LRRC8A: variants seen among roughly 807,000 people sequenced by gnomAD.
LRRC8A encodes volume-regulated anion channel subunit LRRC8A.
A neutral mutation model predicts 52.5 loss-of-function variants in LRRC8A; 24 were observed. The ratio of observed to expected loss-of-function variants is 0.46; its 90% confidence interval spans 0.33 to 0.64. The LOEUF (loss-of-function observed/expected upper bound fraction) is 0.64. Among genes scored for constraint, LRRC8A ranks in the 30% least tolerant of loss-of-function variants. The probability of loss-of-function intolerance (pLI) is 0.02; values close to 1 mark genes in which losing one functional copy is unlikely to be tolerated. For synonymous variants in LRRC8A, 492 were observed against 494.2 expected (o/e 1.00, Z 0.06); for missense variants, 677 against 1,094.7 (o/e 0.62, Z 5.38).
At chr9:128,915,090 G>A (rs1840748652) in intron 3 of LRRC8A, among the ~76,000 whole-genome samples, 1 of 152,114 alleles carries the variant, frequency 6.6e-6, no homozygotes, top group Non-Finnish European at 1.5e-5. Context: ...TAGTTTGCTG[G>A]TTAAATAAAT....
At chr9:128,890,856 G>A (rs1839589145) in intron 2 of LRRC8A, among the ~76,000 whole-genome samples, 1 of 152,226 alleles carries the variant, frequency 6.6e-6, no homozygotes, top group Non-Finnish European at 1.5e-5. Context: ...GCAAATATGA[G>A]CCAACAAACG....
chr9:128,906,013 C>T (rs1179050238), intron 2 of LRRC8A, among the ~76,000 whole-genome samples: 1 of 152,192 alleles, frequency 6.6e-6, no homozygotes, highest in African/African-American at 2.4e-5. Context: ...GGGAGGAGAG[C>T]CTTATTCTTA....
chr9:128,901,006 C>T (rs938829071), intron 2 of LRRC8A, among the ~76,000 whole-genome samples: 1 of 151,902 alleles, frequency 6.6e-6, no homozygotes, highest in Non-Finnish European at 1.5e-5. Context: ...AACCCTGTCT[C>T]TACTAAAAAT....
intron 2 of LRRC8A, among the ~76,000 whole-genome samples, chr9:128,891,556 G>C (rs1012715134): frequency 5.3e-5 from 8 of 152,248 alleles, no homozygotes; most frequent in Admixed American, 3.9e-4. Flanking sequence ...GCAAGATCCT[G>C]TCTCAAAAAA....
intron 2 of LRRC8A, among the ~76,000 whole-genome samples, chr9:128,890,989 T>A (rs1355615251): frequency 5.7e-5 from 8 of 139,584 alleles, no homozygotes; most frequent in African/African-American, 2.1e-4. Context: ...TCTACAAAAA[T>A]AAAAAAAAAA....
intron 2 of LRRC8A, among the ~76,000 whole-genome samples, chr9:128,889,622 G>A (rs1245125662): frequency 1.3e-5 from 2 of 151,966 alleles, no homozygotes; most frequent in African/African-American, 4.8e-5. Flanking sequence ...AGCCTCCCGA[G>A]TAGCTGGGAC....
intron 2 of LRRC8A, among the ~76,000 whole-genome samples, chr9:128,895,370 G>A (rs1839784394): frequency 6.6e-6 from 1 of 152,174 alleles, no homozygotes. Flanking sequence ...AATAAAATAA[G>A]TTGTAAAAGC....
intron 2 of LRRC8A, among the ~76,000 whole-genome samples, chr9:128,895,066 A>G (rs534764017): frequency 4.8e-4 from 73 of 152,282 alleles, no homozygotes; most frequent in African/African-American, 1.7e-3. Context: ...ACTTATGTGA[A>G]TAAGTGAAAT....
In LRRC8A at chr9:128,899,068, A is replaced by G. The variant is rs1357050360; in HGVS notation, c.-8-8089A>G. Among the ~76,000 whole-genome samples, 1 of 152,188 alleles carries G rather than the reference A, an allele frequency of 6.6e-6. No homozygotes were observed. The highest frequency in any genetic ancestry group is 1.5e-5 in the Non-Finnish European group (1 of 68,028). ...CCAGCAGTCTGACGCGGGGGTGGGC[A>G]GCTGAGGGGGAAGGAGGAGTCCAGG... On this transcript the variant is annotated intron_variant, in intron 2 of 3. Coordinates refer to ENST00000372600, the MANE Select transcript of LRRC8A (RefSeq NM_019594.4). The surrounding 1 kb of genome is among the most constrained non-coding windows in gnomAD (Gnocchi z 4.0).
rs537745713 is a variant in LRRC8A at position 128,902,620 on chromosome 9, G to A, written c.-8-4537G>A. Among the ~76,000 whole-genome samples, 6 of 152,264 alleles carry A rather than the reference G, an allele frequency of 3.9e-5. No homozygotes were observed. In the South Asian group the frequency reaches 1.0e-3, roughly 26 times the overall value. ...GGGCAGGCAGGCTGCTGCATGCACC[G>A]GGCTCCTCTCCTCCCTCTTCTGTTC... On this transcript the variant is annotated intron_variant, in intron 2 of 3. Coordinates refer to ENST00000372600, the MANE Select transcript of LRRC8A (RefSeq NM_019594.4). The surrounding 1 kb of genome is among the most constrained non-coding windows in gnomAD (Gnocchi z 4.1).
In LRRC8A at chr9:128,899,160, C is replaced by G. The variant is rs1218942132; in HGVS notation, c.-8-7997C>G. Among the ~76,000 whole-genome samples, 2 of 152,210 alleles carry G rather than the reference C, an allele frequency of 1.3e-5. No individual in the cohort carries two copies. Among genetic ancestry groups the G allele is most frequent in the African/African-American group, 4.8e-5 (2 of 41,454 alleles). On this transcript the variant is annotated intron_variant, in intron 2 of 3. Transcript: ENST00000372600. This position sits in a 1 kb window ranked among gnomAD's most constrained non-coding sequence, Gnocchi z 4.0. ...TTACACAACATGGACACATGTTTAA[C>G]AGGTTTGCTGCTCCTTTCTATACAG...
intron 2 of LRRC8A, among the ~76,000 whole-genome samples, chr9:128,906,498 T>C (rs1474189073): frequency 6.6e-6 from 1 of 152,032 alleles, no homozygotes; most frequent in African/African-American, 2.4e-5. Context: ...AATTTTTGTA[T>C]TTTTAGTAGA....
chr9:128,908,570 C>T lies in LRRC8A; in HGVS notation c.1406C>T (p.Thr469Met), dbSNP rs530372793. ...VTIPPSIAQL[T>M]GLKELWLYHT... ...ATCCCGCCCAGCATTGCCCAGCTCA[C>T]GGGCCTCAAGGAGCTGTGGCTCTAC... is the stretch of plus-strand genomic sequence containing the variant. Residue 469 changes from threonine (T) to methionine (M), a missense_variant, in exon 3 of 4, where the codon ACG (threonine) becomes ATG (methionine). Physicochemically the swap from Thr to Met is moderately conservative, Grantham distance 81. Coordinates refer to ENST00000372600, the MANE Select transcript of LRRC8A (RefSeq NM_019594.4). The T allele has an allele frequency of 1.4e-5, 22 of 1,612,768 alleles. No individual in the cohort carries two copies. The highest frequency in any genetic ancestry group is 3.3e-5 in the Admixed American group (2 of 59,996).
At chr9:128,906,658 G>A (rs1194978174) in intron 2 of LRRC8A, among the ~76,000 whole-genome samples, 1 of 152,174 alleles carries the variant, frequency 6.6e-6, no homozygotes, top group African/African-American at 2.4e-5. Flanking sequence ...GTGAGTTCAT[G>A]TTGTGCCCCC....
At position 128,892,664 on chromosome 9, in the gene LRRC8A, C is replaced by G. The variant is rs12001181; in HGVS notation, c.-9+6543C>G. Among the ~76,000 whole-genome samples, 7 of 152,170 alleles carry G rather than the reference C, an allele frequency of 4.6e-5. No individual in the cohort carries two copies. The highest frequency in any genetic ancestry group is 5.9e-5 in the Non-Finnish European group (4 of 68,026). On this transcript the variant is annotated intron_variant, in intron 2 of 3. Transcript: ENST00000372600. This position sits in a 1 kb window ranked among gnomAD's most constrained non-coding sequence, Gnocchi z 5.2. ...GAGGGTGGAGGCTGTGTGTGCCAGA[C>G]GAGGCTGAGACCTCTCCTCCCACTC... is the stretch of plus-strand genomic sequence containing the variant.
chr9:128,884,372 A>G (rs1839304402), intron 1 of LRRC8A, among the ~76,000 whole-genome samples: 1 of 152,192 alleles, frequency 6.6e-6, no homozygotes, highest in Non-Finnish European at 1.5e-5. Flanking sequence ...AGAGCCCAGC[A>G]CAGTGTCTCT....
chr9:128,906,231 C>T (rs930631830), intron 2 of LRRC8A, among the ~76,000 whole-genome samples: 13 of 151,844 alleles, frequency 8.6e-5, no homozygotes, highest in Admixed American at 5.9e-4. Context: ...TGGACTCAAG[C>T]GATCCTCCCA....
At chr9:128,906,917 A>G (rs1840275212) in intron 2 of LRRC8A, among the ~76,000 whole-genome samples, 1 of 152,220 alleles carries the variant, frequency 6.6e-6, no homozygotes, top group Non-Finnish European at 1.5e-5. Context: ...CTTCCTGTGT[A>G]TTAAATGGGG....
chr9:128,915,615 G>A (rs554917027), intron 3 of LRRC8A, among the ~76,000 whole-genome samples: 2 of 152,336 alleles, frequency 1.3e-5, no homozygotes, highest in South Asian at 4.1e-4. Context: ...GTGAGCCACC[G>A]CACCCGGCCT....
Sources: gnomAD v4.1 joint callset for allele counts (sites outside exome capture counted in the v4.1 genomes callset) on GRCh38, gnomAD v4.1.1 for gene constraint, Gnocchi (gnomAD v3.1) non-coding constraint, MANE v1.5 for transcripts, NCBI Gene and HGNC (gene_info 2026-07-23, HGNC 2026-07-21) for gene names.